CCNO: variants seen among roughly 807,000 people sequenced by gnomAD.
CCNO encodes the protein cyclin O.
In CCNO, 24 loss-of-function variants were observed where a neutral mutation model predicts 23.9. That is an observed-to-expected ratio of 1.00 (90% confidence interval 0.73 to 1.41). The LOEUF is 1.41. Ranked by LOEUF, CCNO falls within the 40% of genes most tolerant of loss-of-function variation. The pLI, the probability that CCNO is intolerant of heterozygous loss-of-function variation, is 0.00. For synonymous variants in CCNO, 241 were observed against 225.7 expected (o/e 1.07, Z -0.61); for missense variants, 542 against 476.2 (o/e 1.14, Z -1.29).
rs1456141661 is a variant in CCNO at position 55,233,221 on chromosome 5, G to A, written c.303C>T (p.Tyr101=). 3 of 1,574,580 alleles carry A rather than the reference G, an allele frequency of 1.9e-6. No homozygotes were observed. Among genetic ancestry groups the A allele is most frequent in the East Asian group, 2.3e-5 (1 of 43,578 alleles). ...TGCGGAAGGCGTAGCAGCTCTGGCC[G>A]TAGTCGCGGAAGGTCTGTAGATCTA... is the stretch of plus-strand genomic sequence containing the variant. ...AQLDLQTFRD[Y]GQSCYAFRKA... The change falls in exon 1 of 3, where the codon TAC becomes TAT. Residue 101 remains tyrosine, a synonymous_variant. Coordinates refer to ENST00000282572, the MANE Select transcript of CCNO (RefSeq NM_021147.5).
chr5:55,231,918 C>G (rs1041326193), intron 2 of CCNO, 58 bp from the exon 3 acceptor site: 2 of 1,469,536 alleles, frequency 1.4e-6, no homozygotes, highest in East Asian at 2.5e-5. Context: ...CAGGCCCACC[C>G]CAGTATGACG....
At position 55,231,620 on chromosome 5, in the gene CCNO, G is replaced by A. The variant is rs748700550; in HGVS notation, c.808C>T (p.Leu270=). 3 of 1,610,222 alleles carry A rather than the reference G, an allele frequency of 1.9e-6. No homozygotes were observed. Among genetic ancestry groups the A allele is most frequent in the East Asian group, 2.2e-5 (1 of 44,746 alleles). The part of the protein sequence containing the change: ...ALARGVAELS[L]ADYAFTSYSP... ...TAGCTGGTGAAGGCATAGTCGGCCA[G>A]ACTCAGCTCTGCCACCCCCCGCGCC... Residue 270 remains leucine (L), a synonymous_variant, in exon 3 of 3, where the codon CTG becomes TTG. Transcript: ENST00000282572.
chr5:55,231,654 C>T lies in CCNO; in HGVS notation c.774G>A (p.Ala258=). 1 of 1,580,916 alleles carries T rather than the reference C, an allele frequency of 6.3e-7. No homozygotes were observed. Among genetic ancestry groups the T allele is most frequent in the Admixed American group, 1.8e-5 (1 of 54,422 alleles). ...CTGCCACCCCCCGCGCCAGGGCTTG[C>T]GCTTCCAGAGCTTCGGAGGCCTCAG... ...GQAEASEALE[A]QALARGVAEL... Residue 258 remains alanine, a synonymous_variant, in exon 3 of 3, where the codon GCG becomes GCA. Coordinates refer to ENST00000282572, the MANE Select transcript of CCNO (RefSeq NM_021147.5).
rs748184190 is a variant in CCNO, at chr5:55,231,635, C to A, written c.793G>T (p.Val265Leu). The A allele has an allele frequency of 1.7e-5, 28 of 1,600,076 alleles. No individual in the cohort carries two copies. Among genetic ancestry groups the A allele is most frequent in the Non-Finnish European group, 2.3e-5 (27 of 1,173,956 alleles). Residue 265 changes from valine to leucine, a missense_variant, in exon 3 of 3, where the codon GTG (valine) becomes TTG (leucine). Transcript: ENST00000282572. ...ALEAQALARG[V>L]AELSLADYAF... is the part of the protein sequence containing the mutation. ...TAGTCGGCCAGACTCAGCTCTGCCA[C>A]CCCCCGCGCCAGGGCTTGCGCTTCC...
rs372247606 is a variant in CCNO, at chr5:55,233,318, T to C, written c.206A>G (p.Asp69Gly). ...CGCCGCAGAGGGGCTCTCTGCGCCG[T>C]CTGAGCCGGAGCTGGGGGACTCGAA... ...DLFESPSSGSDGAESPSAARG... is the reference protein window; with the variant it reads ...DLFESPSSGSGGAESPSAARG... The change falls in exon 1 of 3, where the codon GAC becomes GGC. Residue 69 changes from aspartate to glycine, a missense_variant. Asp to Gly is a moderately conservative substitution (Grantham distance 94). Transcript: ENST00000282572. 1.1e-4 allele frequency: 171 copies of C among 1,600,198 alleles called. No homozygotes were observed. Among genetic ancestry groups the C allele is most frequent in the Admixed American group, 3.6e-4 (21 of 58,934 alleles).
Position 55,231,545 on chromosome 5 carries a change from G to C in CCNO, c.883C>G (p.Leu295Val). Residue 295 changes from leucine (L) to valine (V), a missense_variant, in exon 3 of 3, where the codon CTG (leucine) becomes GTG (valine). Leu to Val is a conservative substitution (Grantham distance 32). Coordinates refer to ENST00000282572, the MANE Select transcript of CCNO (RefSeq NM_021147.5). The part of the protein sequence containing the change: ...ICCLALADRM[L>V]RVSRPVDLRL... Reference sequence around the variant, plus strand: ...AAGTCCACGGGCCGCGAGACCCGCAGCATGCGGTCCGCCAGCGCCAGGCAG... The same window carrying C: ...AAGTCCACGGGCCGCGAGACCCGCACCATGCGGTCCGCCAGCGCCAGGCAG... The C allele has an allele frequency of 6.2e-7, 1 of 1,613,532 alleles. No homozygotes were observed. Among genetic ancestry groups the C allele is most frequent in the Non-Finnish European group, 8.5e-7 (1 of 1,179,988 alleles).
rs774547104 is a variant in CCNO at position 55,233,336 on chromosome 5, G to T, written c.188C>A (p.Ser63Tyr). ...GDSGICDLFESPSSGSDGAES... is the reference protein window; with the variant it reads ...GDSGICDLFEYPSSGSDGAES... ...TGCGCCGTCTGAGCCGGAGCTGGGG[G>T]ACTCGAACAGGTCGCAAATGCCGGA... The change falls in exon 1 of 3, where the codon TCC becomes TAC. Residue 63 changes from serine (S) to tyrosine (Y), a missense_variant. Transcript: ENST00000282572. The T allele has an allele frequency of 3.4e-5, 55 of 1,606,538 alleles. No homozygotes were observed. Among genetic ancestry groups the T allele is most frequent in the Non-Finnish European group, 4.3e-5 (51 of 1,177,790 alleles).
At position 55,232,345 on chromosome 5, in the gene CCNO, T is replaced by C. The variant is rs1247769385; in HGVS notation, c.567+16A>G. 6.2e-7 allele frequency: 1 copy of C among 1,610,120 alleles called. No individual in the cohort carries two copies. The highest frequency in any genetic ancestry group is 1.7e-5 in the Admixed American group (1 of 60,006). ...GTCCCCAGATGCCGCGTGTACCTGT[T>C]TGATACCCCAGGTACCTGTTTGCAA... is the stretch of plus-strand genomic sequence containing the variant. On this transcript the variant is annotated intron_variant, in intron 2 of 2. Transcript: ENST00000282572.
At chr5:55,232,305 G>A in intron 2 of CCNO, 56 bp downstream of exon 2, 2 of 1,439,046 alleles carry the variant, frequency 1.4e-6, no homozygotes, top group Non-Finnish European at 1.9e-6. Context: ...GGGAGTGGCG[G>A]GGGAGTTTGG....
chr5:55,231,860 C>A lies in CCNO; in HGVS notation c.568G>T (p.Val190Leu). 6.5e-7 allele frequency: 1 copy of A among 1,535,312 alleles called. No homozygotes were observed. The highest frequency in any genetic ancestry group is 8.8e-7 in the Non-Finnish European group (1 of 1,140,102). The change falls in exon 3 of 3, where the codon GTG becomes TTG. Residue 190 changes from valine (V) to leucine (L), a missense_variant and splice_region_variant. Physicochemically the swap from Val to Leu is conservative, Grantham distance 32. Transcript: ENST00000282572. ...TTCACGCGCGGCGGGTGCACCTCCA[C>A]CTGCAACACAGGGCGCACTCAACCC... The part of the protein sequence containing the change: ...VTSLLIACKQ[V>L]EVHPPRVKQL...
At chr5:55,232,737 G>A (rs989031324) in intron 1 of CCNO, 191 bp from the exon 2 acceptor site, 1 of 621,742 alleles carries the variant, frequency 1.6e-6, no homozygotes, top group Non-Finnish European at 2.8e-6. Flanking sequence ...TTGGGACCTG[G>A]CGCTGTGCAG....
At position 55,233,170 on chromosome 5, in the gene CCNO, C is replaced by A; in HGVS notation, c.354G>T (p.Pro118=). Residue 118 remains proline, a synonymous_variant, in exon 1 of 3, where the codon CCG becomes CCT. Transcript: ENST00000282572. The part of the protein sequence containing the change: ...FRKAQESHFH[P]REALARQPQV... ...GTGGCTGCCGTGCCAGCGCCTCCCGCGGGTGGAAGTGGCTCTCCTGCGCCT... is the reference window on the plus strand; with the variant it reads ...GTGGCTGCCGTGCCAGCGCCTCCCGAGGGTGGAAGTGGCTCTCCTGCGCCT... 1 of 1,546,854 alleles carries A rather than the reference C, an allele frequency of 6.5e-7. No individual in the cohort carries two copies. Among genetic ancestry groups the A allele is most frequent in the Non-Finnish European group, 8.7e-7 (1 of 1,147,290 alleles).
In CCNO at chr5:55,231,655, G is replaced by T. The variant is rs368825448; in HGVS notation, c.773C>A (p.Ala258Glu). 2.5e-6 allele frequency: 4 copies of T among 1,573,404 alleles called. No individual in the cohort carries two copies. The African/African-American group carries it at 5.4e-5, about 21-fold the overall frequency. ...GQAEASEALE[A>E]QALARGVAEL... ...TGCCACCCCCCGCGCCAGGGCTTGC[G>T]CTTCCAGAGCTTCGGAGGCCTCAGC... The change falls in exon 3 of 3, where the codon GCG (alanine) becomes GAG (glutamate). Residue 258 changes from alanine to glutamate, a missense_variant. Ala to Glu is a moderately radical substitution (Grantham distance 107). Coordinates refer to ENST00000282572, the MANE Select transcript of CCNO (RefSeq NM_021147.5).
At position 55,233,204 on chromosome 5, in the gene CCNO, G is replaced by A; in HGVS notation, c.320C>T (p.Ala107Val). Residue 107 changes from alanine to valine, a missense_variant, in exon 1 of 3, where the codon GCC becomes GTC. Coordinates refer to ENST00000282572, the MANE Select transcript of CCNO (RefSeq NM_021147.5). Reference sequence around the variant, plus strand: ...GTGGCTCTCCTGCGCCTTGCGGAAGGCGTAGCAGCTCTGGCCGTAGTCGCG... The same window carrying A: ...GTGGCTCTCCTGCGCCTTGCGGAAGACGTAGCAGCTCTGGCCGTAGTCGCG... ...TFRDYGQSCYAFRKAQESHFH... is the reference protein window; with the variant it reads ...TFRDYGQSCYVFRKAQESHFH... The A allele has an allele frequency of 1.3e-6, 2 of 1,561,556 alleles. No individual in the cohort carries two copies. Among genetic ancestry groups the A allele is most frequent in the African/African-American group, 1.3e-5 (1 of 74,390 alleles).
intron 1 of CCNO, 119 bp downstream of exon 1, chr5:55,233,024 G>C: frequency 2.8e-6 from 3 of 1,075,766 alleles, no homozygotes; most frequent in South Asian, 3.2e-5. Flanking sequence ...GCTTCGACTC[G>C]GGGCGGGACC....
chr5:55,232,196 G>A (rs1396332909), intron 2 of CCNO, among the ~76,000 whole-genome samples, 165 bp downstream of exon 2: 1 of 152,218 alleles, frequency 6.6e-6, no homozygotes, highest in Non-Finnish European at 1.5e-5. Flanking sequence ...GAGAAATTGT[G>A]AAGTTAAGGC....
Position 55,232,916 on chromosome 5 carries a change from T to C in CCNO, c.381+227A>G, listed in dbSNP as rs1161671031. The C allele has an allele frequency of 8.3e-6, 5 of 599,040 alleles. No individual in the cohort carries two copies. The East Asian group carries it at 1.4e-4, about 17-fold the overall frequency. 37.1% of individuals were successfully genotyped at this position (599,040 alleles called of 1,614,324 possible). ...CGAATTCCTCTCTACCGTGCCCCAG[T>C]AGCCAGCTTGGGACGGGGCAAGTCC... is the stretch of plus-strand genomic sequence containing the variant. On this transcript the variant is annotated intron_variant, in intron 1 of 2. Coordinates refer to ENST00000282572, the MANE Select transcript of CCNO (RefSeq NM_021147.5).
Position 55,231,215 on chromosome 5 carries a change from TAAATA to T in CCNO, c.*155_*159del. The T allele has an allele frequency of 1.3e-6, 1 of 762,574 alleles. No individual in the cohort carries two copies. Among genetic ancestry groups the T allele is most frequent in the Non-Finnish European group, 2.1e-6 (1 of 467,468 alleles). 47.2% of individuals were successfully genotyped at this position (762,574 alleles called of 1,614,324 possible). A position where few individuals can be genotyped will look rare whatever the true frequency, so the allele number is the denominator to read the frequency against. ...GCTTCCTCATGTGCTCGCTGCAAAA[TAAATA>T]AAATACCAGATGCTAGTATCGTACA... On this transcript the variant is annotated 3_prime_UTR_variant, in exon 3 of 3. Coordinates refer to ENST00000282572, the MANE Select transcript of CCNO (RefSeq NM_021147.5).
At chr5:55,233,032 A>ACCTGGGCTGTCGCGGGC in intron 1 of CCNO, 111 bp downstream of exon 1, 1 of 1,154,822 alleles carries the variant, frequency 8.7e-7, no homozygotes, top group Non-Finnish European at 1.2e-6. Context: ...TCGGGGCGGG[A>ACCTGGGCTGTCGCGGGC]CCTGGGCTGT....
Sources: gnomAD v4.1 joint callset for allele counts (sites outside exome capture counted in the v4.1 genomes callset) on GRCh38, gnomAD v4.1.1 for gene constraint, MANE v1.5 for transcripts, NCBI Gene and HGNC (gene_info 2026-07-23, HGNC 2026-07-21) for gene names.